Variants in NOL7 observed in about 807,000 individuals in gnomAD.
The protein encoded by NOL7 is nucleolar protein 7.
NOL7 carries 36 observed loss-of-function variants against 38.4 expected under a neutral mutation model. The observed-to-expected ratio is 0.94, with a 90% CI of 0.72 to 1.24. NOL7 has a LOEUF of 1.24. Among genes scored for constraint, NOL7 ranks in the 50% most tolerant of loss-of-function variants. NOL7 has a pLI of 0.00. For synonymous variants in NOL7, 142 were observed against 126.5 expected (o/e 1.12, Z -0.82); for missense variants, 350 against 315.1 (o/e 1.11, Z -0.84).
At chr6:13,622,171 G>A (rs1048806544), downstream of NOL7, 145 of 470,084 alleles carry the variant, frequency 3.1e-4, no homozygotes, top group Non-Finnish European at 4.3e-4. Flanking sequence ...GTTAAAGATG[G>A]AAAATAATTT....
downstream of NOL7, among the ~76,000 whole-genome samples, chr6:13,624,226 A>G (rs1764536528): frequency 6.6e-6 from 1 of 152,162 alleles, no homozygotes; most frequent in Non-Finnish European, 1.5e-5. Flanking sequence ...AAATTAATAA[A>G]TTTTCTAAGG....
Position 13,620,955 on chromosome 6 carries a change from A to C in NOL7, c.*128A>C. 1 of 605,398 alleles carries C rather than the reference A, an allele frequency of 1.7e-6. No individual in the cohort carries two copies. The highest frequency in any genetic ancestry group is 2.8e-6 in the Non-Finnish European group (1 of 352,476). 37.5% of individuals were successfully genotyped at this position (605,398 alleles called of 1,614,324 possible). A position where few individuals can be genotyped will look rare whatever the true frequency, so the allele number is the denominator to read the frequency against. ...TTGAGGAAGTGCTCAACCACATTTC[A>C]TTCTTCTGGAGTAGAACTGTGCCTT... On this transcript the variant is annotated 3_prime_UTR_variant, in exon 8 of 8. Transcript: ENST00000451315.
intron 8 of NOL7, among the ~76,000 whole-genome samples, chr6:13,630,640 A>G (rs558529632): frequency 6.6e-5 from 10 of 152,278 alleles, no homozygotes; most frequent in African/African-American, 2.4e-4. Flanking sequence ...AATTATTTGT[A>G]TAATAGTACT....
chr6:13,629,119 T>C (rs906687763), intron 8 of NOL7, among the ~76,000 whole-genome samples: 2 of 97,122 alleles, frequency 2.1e-5, no homozygotes, highest in South Asian at 3.3e-4. Flanking sequence ...TTGAGCCTTT[T>C]TGTTTTTTTG....
downstream of NOL7, among the ~76,000 whole-genome samples, chr6:13,624,318 T>C (rs181312766): frequency 5.3e-5 from 8 of 152,310 alleles, no homozygotes; most frequent in African/African-American, 9.6e-5. Context: ...CTGGCCCTCA[T>C]TGCAAGTCTC....
Position 13,620,744 on chromosome 6 carries a change from T to G in NOL7, c.701-10T>G, listed in dbSNP as rs1207602575. 1 of 1,567,852 alleles carries G rather than the reference T, an allele frequency of 6.4e-7. No homozygotes were observed. The highest frequency in any genetic ancestry group is 1.9e-5 in the Admixed American group (1 of 53,462). Reference sequence around the variant, plus strand: ...CTAATATACTTACTGCAGAAAACTTTATATTCTAGGAATCCAAAAAAAACA... The same window carrying G: ...CTAATATACTTACTGCAGAAAACTTGATATTCTAGGAATCCAAAAAAAACA... On this transcript the variant is annotated splice_polypyrimidine_tract_variant and intron_variant, in intron 7 of 7. Transcript: ENST00000451315.
chr6:13,629,893 CTG>C (rs913395177), intron 8 of NOL7, among the ~76,000 whole-genome samples: 11 of 125,624 alleles, frequency 8.8e-5, no homozygotes, highest in Admixed American at 1.7e-4. Context: ...TCTCATGTCT[CTG>C]TCTCTCTCTC....
intron 8 of NOL7, among the ~76,000 whole-genome samples, chr6:13,628,870 C>G (rs551289127): frequency 4.6e-5 from 7 of 152,284 alleles, no homozygotes; most frequent in Admixed American, 6.5e-5. Context: ...TTCATTACTG[C>G]TGGTAAAAGT....
At chr6:13,619,161 C>T (rs1333941564) in intron 5 of NOL7, among the ~76,000 whole-genome samples, 1 of 152,202 alleles carries the variant, frequency 6.6e-6, no homozygotes, top group African/African-American at 2.4e-5. Flanking sequence ...GTGCATGGTG[C>T]TGATGCAAAG....
At chr6:13,619,397 A>G (rs3800503) in intron 5 of NOL7, among the ~76,000 whole-genome samples, 82,028 of 152,100 alleles carry the variant, frequency 0.54, 22,537 homozygotes, top group Admixed American at 0.65. Context: ...ACAGGCATTC[A>G]TTTGAGTTGC....
At position 13,620,113 on chromosome 6, in the gene NOL7, A is replaced by C; in HGVS notation, c.501-95A>C. 2.2e-6 allele frequency: 3 copies of C among 1,390,502 alleles called. No homozygotes were observed. In the Admixed American group the frequency reaches 7.4e-5, roughly 34 times the overall value. 86.1% of individuals were successfully genotyped at this position (1,390,502 alleles called of 1,614,324 possible). A position where few individuals can be genotyped will look rare whatever the true frequency, so the allele number is the denominator to read the frequency against. ...AAGTTGCAGTGAGCTGAGATCGCGC[A>C]GCCTGGGTGACAGAGCGAGACTCTG... On this transcript the variant is annotated intron_variant, in intron 5 of 7. Transcript: ENST00000451315.
At chr6:13,625,810 A>G (rs1450583051), downstream of NOL7, 2 of 1,327,686 alleles carry the variant, frequency 1.5e-6, no homozygotes, top group East Asian at 2.3e-5. Context: ...TAGTTCAACT[A>G]TTATGCTCAC....
chr6:13,620,386 G>A, intron 6 of NOL7, 22 bp from the exon 7 acceptor site: 1 of 1,613,972 alleles, frequency 6.2e-7, no homozygotes, highest in South Asian at 1.1e-5. Context: ...ACTGTGAAAT[G>A]ATAAATACCT....
At chr6:13,618,716 CCA>C (rs1764354548) in intron 5 of NOL7, among the ~76,000 whole-genome samples, 1 of 151,978 alleles carries the variant, frequency 6.6e-6, no homozygotes, top group South Asian at 2.1e-4. Flanking sequence ...ATGGTAAAAC[CCA>C]GTCTCTACAC....
rs759067282 is a variant in NOL7 at position 13,616,512 on chromosome 6, C to T, written c.377C>T (p.Ser126Leu). The change falls in exon 3 of 8, where the codon TCA (serine) becomes TTA (leucine). Residue 126 changes from serine (S) to leucine (L), a missense_variant. By Grantham distance (145) the Ser-to-Leu change is moderately radical. Coordinates refer to ENST00000451315, the MANE Select transcript of NOL7 (RefSeq NM_016167.5). Reference sequence around the variant, plus strand: ...ATTTTGGAGAAGTTAACCACAGCTTCACAGACTAAGTAAGTAATGGATCTT... The same window carrying T: ...ATTTTGGAGAAGTTAACCACAGCTTTACAGACTAAGTAAGTAATGGATCTT... The part of the protein sequence containing the change: ...DTILEKLTTA[S>L]QTNIKKSPGK... 2 of 1,606,278 alleles carry T rather than the reference C, an allele frequency of 1.2e-6. No individual in the cohort carries two copies. The highest frequency in any genetic ancestry group is 8.5e-7 in the Non-Finnish European group (1 of 1,175,530).
intron 8 of NOL7, among the ~76,000 whole-genome samples, chr6:13,628,951 C>G (rs1166510784): frequency 6.7e-6 from 1 of 149,952 alleles, no homozygotes; most frequent in East Asian, 2.0e-4. Context: ...TATTCTTTGA[C>G]TCAATTCTAC....
intron 8 of NOL7, among the ~76,000 whole-genome samples, chr6:13,629,920 TC>T (rs72459863): frequency 0.016 from 1,345 of 82,152 alleles, 17 homozygotes; most frequent in African/African-American, 0.047. Flanking sequence ...TCTCTCTCTC[TC>T]GTGTGTGTGT....
At chr6:13,622,284 AT>A (rs1294583016), downstream of NOL7, 1 of 1,340,340 alleles carries the variant, frequency 7.5e-7, no homozygotes, top group African/African-American at 1.5e-5. Context: ...AAAAATCTAA[AT>A]TTCAAATCAG....
chr6:13,619,221 A>G (rs374900959), intron 5 of NOL7, among the ~76,000 whole-genome samples: 19 of 152,246 alleles, frequency 1.2e-4, no homozygotes, highest in East Asian at 3.9e-4. Context: ...AGTCATGGCA[A>G]TTCTTCAAAA....
Sources: gnomAD v4.1 joint callset for allele counts (sites outside exome capture counted in the v4.1 genomes callset) on GRCh38, gnomAD v4.1.1 for gene constraint, MANE v1.5 for transcripts, NCBI Gene and HGNC (gene_info 2026-07-23, HGNC 2026-07-21) for gene names.